MTUS1: variants seen among roughly 807,000 people sequenced by gnomAD.
MTUS1 encodes microtubule associated scaffold protein 1, also known as microtubule-associated tumor suppressor 1.
Under a neutral mutation model 120.8 loss-of-function variants are expected in MTUS1, and 109 were observed. The ratio of observed to expected loss-of-function variants is 0.90; its 90% CI spans 0.77 to 1.06. The LOEUF is 1.06. Among genes scored for constraint, MTUS1 ranks in the 50% least tolerant of loss-of-function variants. The pLI, the probability that MTUS1 is intolerant of heterozygous loss-of-function variation, is 0.00. For synonymous variants in MTUS1, 737 were observed against 550.5 expected, an observed-to-expected ratio of 1.34 and a Z score of -4.74; for missense variants, 2,210 against 1,486.3, an observed-to-expected ratio of 1.49 and a Z score of -8.01.
chr8:17,653,121 G>T (rs997424807), intron 12 of MTUS1, 65 bp downstream of exon 12: 3 of 885,654 alleles, frequency 3.4e-6, no homozygotes, highest in East Asian at 5.5e-5. Context: ...CTGAGTACTT[G>T]AATGACTCTA....
chr8:17,748,718 G>C (rs1479558844), intron 2 of MTUS1, among the ~76,000 whole-genome samples: 1 of 150,418 alleles, frequency 6.6e-6, no homozygotes, highest in Non-Finnish European at 1.5e-5. Flanking sequence ...GCCCGCAAGA[G>C]GTTGAGCATG....
chr8:17,683,118 A>G (rs1814950959), intron 7 of MTUS1, among the ~76,000 whole-genome samples: 3 of 152,064 alleles, frequency 2.0e-5, no homozygotes, highest in African/African-American at 7.2e-5. Flanking sequence ...TAAAAATACA[A>G]AAAACTAGCC....
intron 8 of MTUS1, among the ~76,000 whole-genome samples, chr8:17,665,763 C>G (rs186853806): frequency 7.2e-5 from 11 of 152,196 alleles, no homozygotes; most frequent in African/African-American, 2.7e-4. Context: ...TTAATTCACA[C>G]GTACCATGGA....
At chr8:17,692,816 T>C (rs1342238977) in intron 6 of MTUS1, among the ~76,000 whole-genome samples, 1 of 152,144 alleles carries the variant, frequency 6.6e-6, no homozygotes, top group African/African-American at 2.4e-5. Flanking sequence ...AGTTTACCTA[T>C]ATAACAAACC....
rs563699184 is a variant in MTUS1, at chr8:17,658,094, A to G, written c.2906-2029T>C. 3.4e-5 allele frequency among the ~76,000 whole-genome samples: 5 copies of G among 147,350 alleles called. No homozygotes were observed. In the East Asian group the frequency reaches 1.0e-3, roughly 30 times the overall value. ...GCTGTATTGCCCAGGCTGAAGTGCA[A>G]TGACACAATCTTGGCTCACTGCAAC... On this transcript the variant is annotated intron_variant, in intron 8 of 14. Coordinates refer to ENST00000693296, the MANE Select transcript of MTUS1 (RefSeq NM_001363059.2).
intron 2 of MTUS1, among the ~76,000 whole-genome samples, chr8:17,752,217 A>G (rs1563321771): frequency 1.5e-5 from 1 of 65,776 alleles, no homozygotes; most frequent in African/African-American, 3.1e-5. Context: ...AATGTCATTA[A>G]AGAAAAAGAA....
At chr8:17,670,684 A>C (rs1265734026) in intron 8 of MTUS1, among the ~76,000 whole-genome samples, 2 of 152,096 alleles carry the variant, frequency 1.3e-5, no homozygotes, top group East Asian at 3.9e-4. Context: ...TTAGCCCAGC[A>C]TGGTGGTATG....
chr8:17,668,713 G>A (rs1811416756), intron 8 of MTUS1, among the ~76,000 whole-genome samples: 1 of 152,106 alleles, frequency 6.6e-6, no homozygotes, highest in South Asian at 2.1e-4. Context: ...CACATGTGCA[G>A]GTTTGTTATT....
At chr8:17,647,998 T>C (rs971781759) in intron 13 of MTUS1, among the ~76,000 whole-genome samples, 9 of 152,142 alleles carry the variant, frequency 5.9e-5, no homozygotes, top group Non-Finnish European at 1.0e-4. Flanking sequence ...GTTAAATCAC[T>C]TTCCAGAAAA....
At chr8:17,656,612 G>A (rs1808305928) in intron 8 of MTUS1, among the ~76,000 whole-genome samples, 1 of 137,806 alleles carries the variant, frequency 7.3e-6, no homozygotes, top group Non-Finnish European at 1.5e-5. Context: ...AGAAGACCCA[G>A]GTTTCTAAGA....
intron 3 of MTUS1, among the ~76,000 whole-genome samples, chr8:17,732,063 G>C (rs1216528382): frequency 6.6e-6 from 1 of 152,238 alleles, no homozygotes; most frequent in East Asian, 1.9e-4. Flanking sequence ...TCCCTGCCCT[G>C]AGATGCCGTC....
intron 1 of MTUS1, among the ~76,000 whole-genome samples, chr8:17,762,647 C>T (rs977322098): frequency 7.9e-5 from 12 of 152,280 alleles, no homozygotes; most frequent in African/African-American, 2.9e-4. Flanking sequence ...TAATGCATTT[C>T]AAAATGGTGG....
intron 3 of MTUS1, among the ~76,000 whole-genome samples, chr8:17,736,883 C>G (rs967663036): frequency 6.6e-6 from 1 of 152,134 alleles, no homozygotes; most frequent in Non-Finnish European, 1.5e-5. Flanking sequence ...CCATGTTTGG[C>G]TCTTTCTCTT....
chr8:17,707,638 A>C (rs1820436519), intron 6 of MTUS1, among the ~76,000 whole-genome samples: 1 of 152,240 alleles, frequency 6.6e-6, no homozygotes, highest in Admixed American at 6.5e-5. Flanking sequence ...AGAGATTGAC[A>C]AGCTGATCCT....
At chr8:17,747,153 T>C (rs2047822862) in intron 2 of MTUS1, among the ~76,000 whole-genome samples, 1 of 152,180 alleles carries the variant, frequency 6.6e-6, no homozygotes, top group African/African-American at 2.4e-5. Context: ...CAGCAATCCT[T>C]TTGCATATGG....
At chr8:17,726,550 G>T (rs1182527597) in intron 3 of MTUS1, among the ~76,000 whole-genome samples, 2 of 152,148 alleles carry the variant, frequency 1.3e-5, no homozygotes, top group Admixed American at 6.5e-5. Context: ...GATGTATTTT[G>T]ATAATGTGTT....
At chr8:17,780,777 T>C (rs1481623035) in intron 1 of MTUS1, 1 of 152,198 alleles carries the variant, frequency 6.6e-6, no homozygotes, top group Non-Finnish European at 1.5e-5. Context: ...TGTACTCAGT[T>C]CCTGCCATTC....
chr8:17,646,092 T>G lies in MTUS1; in HGVS notation c.3647A>C (p.Glu1216Ala), dbSNP rs1342476826. The G allele has an allele frequency of 6.2e-7, 1 of 1,611,942 alleles. No homozygotes were observed. Among genetic ancestry groups the G allele is most frequent in the African/African-American group, 1.3e-5 (1 of 74,650 alleles). ...AGAGAGTCGCTTGTTGACTTTCGACTCCTTCTCCAGCGACTCTTGCAGAAC... is the reference window on the plus strand; with the variant it reads ...AGAGAGTCGCTTGTTGACTTTCGACGCCTTCTCCAGCGACTCTTGCAGAAC... ...QAVLQESLEK[E>A]SKVNKRLSME... Residue 1216 changes from glutamate to alanine, a missense_variant, in exon 15 of 15, where the codon GAG becomes GCG. By Grantham distance (107) the Glu-to-Ala change is moderately radical. Coordinates refer to ENST00000693296, the MANE Select transcript of MTUS1 (RefSeq NM_001363059.2).
At position 17,653,251 on chromosome 8, in the gene MTUS1, C is replaced by A. The variant is rs201891925; in HGVS notation, c.3319G>T (p.Asp1107Tyr). The A allele has an allele frequency of 2.6e-6, 4 of 1,558,672 alleles. No homozygotes were observed. Among genetic ancestry groups the A allele is most frequent in the South Asian group, 2.4e-5 (2 of 82,220 alleles). The change falls in exon 12 of 15, where the codon GAT (aspartate) becomes TAT (tyrosine). Residue 1107 changes from aspartate (D) to tyrosine (Y), a missense_variant. By Grantham distance (160) the Asp-to-Tyr change is radical. Coordinates refer to ENST00000693296, the MANE Select transcript of MTUS1 (RefSeq NM_001363059.2). ...GATTTCAATTTTTCATTTAAAGCAT[C>A]ATTTTCACTCTTCAGATCATTGATT... ...KQINDLKSEN[D>Y]ALNEKLKSEE...
Sources: allele counts gnomAD v4.1 joint callset (sites outside exome capture counted in the v4.1 genomes callset), GRCh38; gene constraint gnomAD v4.1.1; transcripts MANE v1.5; gene names NCBI Gene and HGNC (gene_info 2026-07-23, HGNC 2026-07-21).